Variants in CAP2 observed in about 807,000 individuals in gnomAD.
CAP2 encodes the protein adenylyl cyclase-associated protein 2.
Under a neutral mutation model 57.7 loss-of-function variants are expected in CAP2, and 24 were observed. The observed-to-expected ratio is 0.42, with a 90% CI of 0.30 to 0.58. The LOEUF is 0.58. Ranked by LOEUF, CAP2 falls within the 20% of genes least tolerant of loss-of-function variation. The probability of loss-of-function intolerance (pLI) is 0.22; values close to 1 mark genes in which losing one functional copy is unlikely to be tolerated. For missense variants in CAP2, 501 were observed against 590.3 expected (o/e 0.85, Z 1.57); for synonymous variants, 194 against 207.2 (o/e 0.94, Z 0.55).
chr6:17,412,505 A>G (rs1178262842), intron 1 of CAP2, among the ~76,000 whole-genome samples: 3 of 152,176 alleles, frequency 2.0e-5, no homozygotes, highest in Non-Finnish European at 4.4e-5. Flanking sequence ...TGGATCTCAA[A>G]TTAAGATTCT....
At chr6:17,425,424 G>T (rs1305596440) in intron 2 of CAP2, among the ~76,000 whole-genome samples, 2 of 152,198 alleles carry the variant, frequency 1.3e-5, no homozygotes, top group East Asian at 3.8e-4. Context: ...ACCCCCTGGG[G>T]AGTGAAGAAG....
At chr6:17,496,149 C>T (rs949816200) in intron 4 of CAP2, among the ~76,000 whole-genome samples, 1 of 151,858 alleles carries the variant, frequency 6.6e-6, no homozygotes, top group Admixed American at 6.6e-5. Flanking sequence ...ACACAGTGAG[C>T]AGCCCAGCAG....
chr6:17,433,621 G>A (rs1007574308), intron 3 of CAP2, among the ~76,000 whole-genome samples: 10 of 152,214 alleles, frequency 6.6e-5, no homozygotes, highest in African/African-American at 1.7e-4. Flanking sequence ...TCATTTCTGC[G>A]CCTTTGCACT....
intron 3 of CAP2, among the ~76,000 whole-genome samples, chr6:17,446,610 C>T (rs59967749): frequency 0.015 from 2,294 of 152,288 alleles, 66 homozygotes; most frequent in African/African-American, 0.052. Flanking sequence ...GAATTACTGA[C>T]GGTGGTCACC....
At chr6:17,446,828 G>C (rs1370243610) in intron 3 of CAP2, among the ~76,000 whole-genome samples, 1 of 152,228 alleles carries the variant, frequency 6.6e-6, no homozygotes, top group Non-Finnish European at 1.5e-5. Flanking sequence ...GTGGGCATCA[G>C]CTGGTGTGAC....
intron 4 of CAP2, among the ~76,000 whole-genome samples, chr6:17,495,902 A>C (rs950918610): frequency 6.6e-6 from 1 of 151,864 alleles, no homozygotes. Flanking sequence ...TGGCCAACAA[A>C]TGACCTGCAG....
At chr6:17,489,237 G>T (rs531365742) in intron 4 of CAP2, among the ~76,000 whole-genome samples, 1 of 152,160 alleles carries the variant, frequency 6.6e-6, no homozygotes, top group Non-Finnish European at 1.5e-5. Flanking sequence ...TTCAAGACCA[G>T]CCTGGTCAAC....
At chr6:17,401,320 G>T (rs1056592371) in intron 1 of CAP2, among the ~76,000 whole-genome samples, 13 of 152,294 alleles carry the variant, frequency 8.5e-5, no homozygotes, top group African/African-American at 3.1e-4. Flanking sequence ...GCCTTGATCT[G>T]CATTGATCTT....
At position 17,415,731 on chromosome 6, in the gene CAP2, A is replaced by C. The variant is rs539440538; in HGVS notation, c.-1-5824A>C. ...GTGTACAGGTGCTGACAGGAAAGAAAGCACAAGGCAGGTTTTTAATTGGGC... is the reference window on the plus strand; with the variant it reads ...GTGTACAGGTGCTGACAGGAAAGAACGCACAAGGCAGGTTTTTAATTGGGC... On this transcript the variant is annotated intron_variant, in intron 1 of 12. Transcript: ENST00000229922. Among the ~76,000 whole-genome samples, 49 of 152,334 alleles carry C rather than the reference A, an allele frequency of 3.2e-4. No individual in the cohort carries two copies. In the South Asian group the frequency reaches 9.9e-3, roughly 31 times the overall value.
At chr6:17,551,437 G>T in intron 11 of CAP2, 27 bp from the exon 12 acceptor site, 1 of 1,557,878 alleles carries the variant, frequency 6.4e-7, no homozygotes. Flanking sequence ...TCTTTGCTTT[G>T]GTCCCAGGTA....
intron 11 of CAP2, among the ~76,000 whole-genome samples, chr6:17,543,526 C>T (rs190619860): frequency 1.4e-5 from 2 of 147,948 alleles, no homozygotes; most frequent in African/African-American, 2.5e-5. Flanking sequence ...GAGGCTGAGG[C>T]GGGAGAATGG....
At chr6:17,553,400 G>T (rs554773776) in intron 12 of CAP2, among the ~76,000 whole-genome samples, 3 of 152,122 alleles carry the variant, frequency 2.0e-5, no homozygotes, top group Admixed American at 6.5e-5. Flanking sequence ...TTGGGAGGCC[G>T]AGGCGGGCAG....
chr6:17,437,884 G>T (rs1178218916), intron 3 of CAP2, among the ~76,000 whole-genome samples: 2 of 151,640 alleles, frequency 1.3e-5, no homozygotes, highest in Non-Finnish European at 2.9e-5. Context: ...CCGTCTCAAA[G>T]AAAAAAGGGT....
intron 3 of CAP2, among the ~76,000 whole-genome samples, chr6:17,436,963 C>T (rs1336472389): frequency 1.3e-5 from 2 of 152,062 alleles, no homozygotes; most frequent in East Asian, 1.9e-4. Flanking sequence ...ACTGCGCATT[C>T]GAGGGATCTA....
intron 6 of CAP2, among the ~76,000 whole-genome samples, chr6:17,509,111 G>A (rs994139711): frequency 1.3e-5 from 2 of 151,810 alleles, no homozygotes; most frequent in Non-Finnish European, 2.9e-5. Context: ...CAGAAGAAAA[G>A]GGTCTACAAC....
intron 1 of CAP2, among the ~76,000 whole-genome samples, chr6:17,402,374 T>C (rs901670710): frequency 2.0e-5 from 3 of 152,198 alleles, no homozygotes; most frequent in Non-Finnish European, 4.4e-5. Context: ...AGGGGGAAAT[T>C]TCTGAGTATA....
At chr6:17,493,347 A>AGATATG in intron 4 of CAP2, 1 of 344,566 alleles carries the variant, frequency 2.9e-6, no homozygotes, top group Non-Finnish European at 6.0e-6. Flanking sequence ...GATAGAGATG[A>AGATATG]AACCAAGGCT....
chr6:17,508,068 A>G (rs911088812), intron 6 of CAP2, among the ~76,000 whole-genome samples: 1 of 152,214 alleles, frequency 6.6e-6, no homozygotes, highest in African/African-American at 2.4e-5. Context: ...GCATCAAAGT[A>G]GAGTTGGAGG....
chr6:17,545,733 T>C (rs2113705507), intron 11 of CAP2, among the ~76,000 whole-genome samples: 1 of 152,268 alleles, frequency 6.6e-6, no homozygotes, highest in African/African-American at 2.4e-5. Context: ...AGTGTGATGT[T>C]CCCCTTCCTG....
Sources: gnomAD v4.1 joint callset for allele counts (sites outside exome capture counted in the v4.1 genomes callset) on GRCh38, gnomAD v4.1.1 for gene constraint, MANE v1.5 for transcripts, NCBI Gene and HGNC (gene_info 2026-07-23, HGNC 2026-07-21) for gene names.